The following ITLN1 variants were observed in gnomAD, a reference collection of about 807,000 sequenced individuals.
ITLN1 encodes intelectin 1, also known as intelectin-1.
ITLN1 carries 29 observed loss-of-function variants against 36.2 expected under a neutral mutation model. That is an observed-to-expected ratio of 0.80 (90% CI 0.60 to 1.09). The LOEUF (loss-of-function observed/expected upper bound fraction) is 1.09, where lower values mean the gene tolerates loss of function less well. ITLN1 is among the 50% of genes least tolerant of loss of function. The pLI is 0.00. For missense variants in ITLN1, 358 were observed against 405.2 expected (o/e 0.88, Z 1.00); for synonymous variants, 143 against 146.5 (o/e 0.98, Z 0.17).
At chr1:160,884,485 G>A (rs1176746618) in intron 2 of ITLN1, among the ~76,000 whole-genome samples, 1 of 152,050 alleles carries the variant, frequency 6.6e-6, no homozygotes, top group Non-Finnish European at 1.5e-5. Context: ...GAAAACTGTG[G>A]AGAGAACATT....
chr1:160,877,997 C>G (rs1270446159), intron 7 of ITLN1, among the ~76,000 whole-genome samples: 1 of 152,132 alleles, frequency 6.6e-6, no homozygotes, highest in Non-Finnish European at 1.5e-5. Flanking sequence ...GGAGAAACCC[C>G]ATCTCTACTA....
rs1048305103 is a variant in ITLN1 at position 160,881,179 on chromosome 1, C to T, written c.539G>A (p.Gly180Glu). The change falls in exon 5 of 8, where the codon GGA becomes GAA. Residue 180 changes from glycine to glutamate, a missense_variant. By Grantham distance (98) the Gly-to-Glu change is moderately conservative. Coordinates refer to ENST00000326245, the MANE Select transcript of ITLN1 (RefSeq NM_017625.3). ...CTGGTAGATGCCAAACAGATTATGT[C>T]CCAGTGTCTGGAGGAAGCCAGTGTC... The part of the protein sequence containing the change: ...RTDTGFLQTL[G>E]HNLFGIYQKY... The T allele has an allele frequency of 9.3e-6, 15 of 1,612,444 alleles. No homozygotes were observed. Among genetic ancestry groups the T allele is most frequent in the Non-Finnish European group, 1.3e-5 (15 of 1,179,074 alleles).
In ITLN1 at chr1:160,880,585, C is replaced by G. The variant is rs1282531267; in HGVS notation, c.685+3G>C. On this transcript the variant is annotated splice_donor_region_variant and intron_variant, in intron 6 of 7. Transcript: ENST00000326245. ...GGAGTTCAGAGGATCATTAAAGACT[C>G]ACGCTGGCCATAGGGTGAGTAATAA... 1 of 1,613,938 alleles carries G rather than the reference C, an allele frequency of 6.2e-7. No homozygotes were observed. Among genetic ancestry groups the G allele is most frequent in the African/African-American group, 1.3e-5 (1 of 75,012 alleles).
intron 7 of ITLN1, among the ~76,000 whole-genome samples, chr1:160,877,580 A>T (rs890759685): frequency 6.6e-6 from 1 of 152,196 alleles, no homozygotes; most frequent in Non-Finnish European, 1.5e-5. Flanking sequence ...TCATTGACCC[A>T]GAACCTATTC....
In ITLN1 at chr1:160,880,280, G is replaced by A. The variant is rs556032106; in HGVS notation, c.685+308C>T. Among the ~76,000 whole-genome samples, 6 of 149,710 alleles carry A rather than the reference G, an allele frequency of 4.0e-5. No individual in the cohort carries two copies. The Admixed American group carries it at 4.0e-4, about 10-fold the overall frequency. ...AGACTGCGCCATTGCACTCCAGCCTGGGCAACAACAGCAAAACTCCATCTC... is the reference window on the plus strand; with the variant it reads ...AGACTGCGCCATTGCACTCCAGCCTAGGCAACAACAGCAAAACTCCATCTC... On this transcript the variant is annotated intron_variant, in intron 6 of 7. Coordinates refer to ENST00000326245, the MANE Select transcript of ITLN1 (RefSeq NM_017625.3).
intron 6 of ITLN1, 62 bp downstream of exon 6, chr1:160,880,526 C>A: frequency 1.9e-6 from 3 of 1,563,194 alleles, no homozygotes; most frequent in Non-Finnish European, 2.6e-6. Flanking sequence ...ATAACTGTTA[C>A]CTAGCATAGT....
chr1:160,880,958 C>T (rs1343755212), intron 5 of ITLN1, among the ~76,000 whole-genome samples, 196 bp downstream of exon 5: 1 of 152,204 alleles, frequency 6.6e-6, no homozygotes, highest in Non-Finnish European at 1.5e-5. Context: ...ACTCTTCCTG[C>T]CCCAGCTGTC....
chr1:160,882,058 T>C lies in ITLN1; in HGVS notation c.304A>G (p.Ser102Gly), dbSNP rs138862670. The C allele has an allele frequency of 1.2e-4, 201 of 1,614,194 alleles. No individual in the cohort carries two copies. Among genetic ancestry groups the C allele is most frequent in the Admixed American group, 4.5e-4 (27 of 60,030 alleles). Reference protein sequence around the residue: ...GKCTVGDRWSSQQGSKAVYPE... With the variant: ...GKCTVGDRWSGQQGSKAVYPE... Reference sequence around the variant, plus strand: ...TAGACTGCTTTGCTGCCCTGCTGACTGGACCAGCGATCGCCCACCGTGCAC... The same window carrying C: ...TAGACTGCTTTGCTGCCCTGCTGACCGGACCAGCGATCGCCCACCGTGCAC... Residue 102 changes from serine to glycine, a missense_variant, in exon 4 of 8, where the codon AGT (serine) becomes GGT (glycine). Physicochemically the swap from Ser to Gly is moderately conservative, Grantham distance 56. Coordinates refer to ENST00000326245, the MANE Select transcript of ITLN1 (RefSeq NM_017625.3).
At chr1:160,880,085 G>C (rs868654416) in intron 6 of ITLN1, among the ~76,000 whole-genome samples, 7 of 152,094 alleles carry the variant, frequency 4.6e-5, no homozygotes, top group Middle Eastern at 3.4e-3. Context: ...GGGGCGGATC[G>C]CCAAAGGTCA....
rs764206014 is a variant in ITLN1 at position 160,880,579 on chromosome 1, A to G, written c.685+9T>C. The G allele has an allele frequency of 4.3e-6, 7 of 1,613,866 alleles. No homozygotes were observed. Among genetic ancestry groups the G allele is most frequent in the Non-Finnish European group, 1.7e-6 (2 of 1,179,892 alleles). On this transcript the variant is annotated intron_variant, in intron 6 of 7. Coordinates refer to ENST00000326245, the MANE Select transcript of ITLN1 (RefSeq NM_017625.3). Reference sequence around the variant, plus strand: ...CTACCAGGAGTTCAGAGGATCATTAAAGACTCACGCTGGCCATAGGGTGAG... The same window carrying G: ...CTACCAGGAGTTCAGAGGATCATTAGAGACTCACGCTGGCCATAGGGTGAG...
At position 160,885,043 on chromosome 1, in the gene ITLN1, T is replaced by G; in HGVS notation, c.-7+18A>C. 1.8e-6 allele frequency: 1 copy of G among 565,450 alleles called. No homozygotes were observed. Among genetic ancestry groups the G allele is most frequent in the Non-Finnish European group, 3.2e-6 (1 of 311,558 alleles). The allele number at this position is 565,450 out of a possible 1,614,324, so 35.0% of individuals were successfully genotyped here. A position where few individuals can be genotyped will look rare whatever the true frequency, so the allele number is the denominator to read the frequency against. On this transcript the variant is annotated intron_variant, in intron 1 of 7. Coordinates refer to ENST00000326245, the MANE Select transcript of ITLN1 (RefSeq NM_017625.3). The stretch of plus-strand genomic sequence containing the variant: ...AAGCAGACCTAAGCTGAAAACAGGA[T>G]TCCCCCAACTCACAGACCTTGTCTG...
intron 6 of ITLN1, 121 bp downstream of exon 6, chr1:160,880,467 G>C: frequency 3.1e-6 from 3 of 956,882 alleles, no homozygotes; most frequent in Non-Finnish European, 4.7e-6. Flanking sequence ...AAATCAAGTG[G>C]GGCAATATAG....
intron 3 of ITLN1, 130 bp from the exon 4 acceptor site, chr1:160,882,334 G>T: frequency 1.7e-6 from 2 of 1,190,188 alleles, no homozygotes; most frequent in Non-Finnish European, 2.3e-6. Context: ...ATCACTAAGT[G>T]CTCCCAGGGG....
At chr1:160,884,631 C>A (rs1277507236) in intron 2 of ITLN1, among the ~76,000 whole-genome samples, 189 bp downstream of exon 2, 1 of 152,124 alleles carries the variant, frequency 6.6e-6, no homozygotes. Context: ...GAGCCTGGAC[C>A]CAGGACATGC....
chr1:160,879,087 T>C (rs1489217802), intron 7 of ITLN1, among the ~76,000 whole-genome samples: 3 of 152,166 alleles, frequency 2.0e-5, no homozygotes, highest in Admixed American at 6.5e-5. Flanking sequence ...TTTTGAAGCC[T>C]CACCCCTTGA....
At chr1:160,881,836 T>C in intron 4 of ITLN1, 121 bp downstream of exon 4, 1 of 1,293,536 alleles carries the variant, frequency 7.7e-7, no homozygotes, top group East Asian at 2.4e-5. Flanking sequence ...GATATAAGTA[T>C]TTCTCTCTTC....
chr1:160,877,516 C>G (rs1280059123), intron 7 of ITLN1, among the ~76,000 whole-genome samples: 2 of 151,432 alleles, frequency 1.3e-5, no homozygotes, highest in South Asian at 2.1e-4. Flanking sequence ...CAGCTTGGAT[C>G]TCTACACAGG....
intron 2 of ITLN1, among the ~76,000 whole-genome samples, chr1:160,883,977 A>G (rs886344126): frequency 8.5e-5 from 13 of 152,238 alleles, no homozygotes; most frequent in Non-Finnish European, 1.9e-4. Flanking sequence ...AACGCCAGAC[A>G]GTAAGCGGGG....
At chr1:160,882,280 C>T (rs888397643) in intron 3 of ITLN1, 76 bp from the exon 4 acceptor site, 2 of 1,511,212 alleles carry the variant, frequency 1.3e-6, no homozygotes, top group African/African-American at 2.8e-5. Context: ...AAGAAAGGCC[C>T]TAGGAACCAG....
Sources: gnomAD v4.1 joint callset for allele counts (sites outside exome capture counted in the v4.1 genomes callset) on GRCh38, gnomAD v4.1.1 for gene constraint, MANE v1.5 for transcripts, NCBI Gene and HGNC (gene_info 2026-07-23, HGNC 2026-07-21) for gene names.